Variants in IL1RL2 observed in about 807,000 individuals in gnomAD.
IL1RL2 encodes interleukin-1 receptor-like 2.
IL1RL2 carries 68 observed loss-of-function variants against 66.8 expected under a neutral mutation model. The ratio of observed to expected loss-of-function variants is 1.02; its 90% CI spans 0.84 to 1.25. The LOEUF is 1.25. IL1RL2 is among the 50% of genes most tolerant of loss of function. IL1RL2 has a pLI of 0.00. For synonymous variants in IL1RL2, 305 were observed against 264.6 expected, an observed-to-expected ratio of 1.15 and a Z score of -1.48; for missense variants, 729 against 709.3, an observed-to-expected ratio of 1.03 and a Z score of -0.32.
intron 1 of IL1RL2, among the ~76,000 whole-genome samples, 180 bp from the exon 2 acceptor site, chr2:102,187,676 G>A (rs1006254887): frequency 5.9e-5 from 9 of 152,176 alleles, no homozygotes; most frequent in Admixed American, 5.2e-4. Context: ...CCCAGACGAA[G>A]GAGACAGGGG....
chr2:102,201,818 C>T, intron 5 of IL1RL2, 103 bp downstream of exon 5: 1 of 1,102,132 alleles, frequency 9.1e-7, no homozygotes, highest in South Asian at 1.5e-5. Context: ...GATTCTAGGT[C>T]TTGGTTTCCC....
intron 2 of IL1RL2, 67 bp from the exon 3 acceptor site, chr2:102,189,009 C>T: frequency 8.3e-7 from 1 of 1,204,820 alleles, no homozygotes; most frequent in Non-Finnish European, 1.2e-6. Flanking sequence ...TTTAAAAAAA[C>T]TAACAGTAAA....
intron 4 of IL1RL2, among the ~76,000 whole-genome samples, chr2:102,200,033 TG>T (rs1464627525): frequency 6.7e-6 from 1 of 149,514 alleles, no homozygotes. Flanking sequence ...GGCACGTACC[TG>T]TAGTCCCAGC....
chr2:102,231,370 C>A (rs546178971), intron 9 of IL1RL2, among the ~76,000 whole-genome samples: 8 of 152,198 alleles, frequency 5.3e-5, no homozygotes, highest in South Asian at 4.2e-4. Flanking sequence ...TGGTGGCGGG[C>A]GCCTATAATC....
downstream of IL1RL2, among the ~76,000 whole-genome samples, chr2:102,241,614 G>C (rs1301441228): frequency 6.6e-6 from 1 of 152,248 alleles, no homozygotes; most frequent in Non-Finnish European, 1.5e-5. Context: ...GATGCCGCCA[G>C]GTAGGGGGGC....
At chr2:102,220,040 A>G in intron 8 of IL1RL2, 23 bp downstream of exon 8, 1 of 1,599,582 alleles carries the variant, frequency 6.3e-7, no homozygotes, top group South Asian at 1.1e-5. Flanking sequence ...TGGGTTACAC[A>G]CTGTTCAGAG....
At chr2:102,190,701 A>G (rs948689189) in intron 3 of IL1RL2, among the ~76,000 whole-genome samples, 2 of 152,194 alleles carry the variant, frequency 1.3e-5, no homozygotes, top group Admixed American at 6.5e-5. Flanking sequence ...CTGCTGTCCT[A>G]TTTTAGCCTA....
intron 2 of IL1RL2, 71 bp downstream of exon 2, chr2:102,187,996 CCCCGGGGA>C: frequency 6.8e-7 from 1 of 1,463,984 alleles, no homozygotes; most frequent in Non-Finnish European, 9.6e-7. Flanking sequence ...CATTGGGAGC[CCCCGGGGA>C]TCGCGTCAGC....
At chr2:102,200,986 A>G (rs3755290) in intron 4 of IL1RL2, among the ~76,000 whole-genome samples, 1 of 151,944 alleles carries the variant, frequency 6.6e-6, no homozygotes, top group Non-Finnish European at 1.5e-5. Flanking sequence ...ACTTCTATAA[A>G]GTCCAATGCT....
rs1686832130 is a variant in IL1RL2, at chr2:102,187,898, A to G, written c.31A>G (p.Ile11Val). The change falls in exon 2 of 12, where the codon ATC (isoleucine) becomes GTC (valine). Residue 11 changes from isoleucine (I) to valine (V), a missense_variant. Ile to Val is a conservative substitution (Grantham distance 29). Coordinates refer to ENST00000264257, the MANE Select transcript of IL1RL2 (RefSeq NM_003854.4). Reference sequence around the variant, plus strand: ...GTCCTTGCTGCTCTGCGGGTTGTCCATCGCCCTTCCACTGTCTGTCACAGC... The same window carrying G: ...GTCCTTGCTGCTCTGCGGGTTGTCCGTCGCCCTTCCACTGTCTGTCACAGC... MWSLLLCGLS[I>V]ALPLSVTADG... 6.2e-7 allele frequency: 1 copy of G among 1,612,890 alleles called. No individual in the cohort carries two copies. Among genetic ancestry groups the G allele is most frequent in the Non-Finnish European group, 8.5e-7 (1 of 1,179,660 alleles).
At chr2:102,190,450 G>T (rs995637575) in intron 3 of IL1RL2, among the ~76,000 whole-genome samples, 1 of 152,186 alleles carries the variant, frequency 6.6e-6, no homozygotes. Context: ...CTGAGATCAG[G>T]TGTGAAGTAG....
intron 4 of IL1RL2, among the ~76,000 whole-genome samples, chr2:102,199,254 C>A (rs1366475707): frequency 1.3e-5 from 2 of 152,182 alleles, no homozygotes; most frequent in Non-Finnish European, 2.9e-5. Context: ...AACTACACAG[C>A]AACTAAAGGA....
At chr2:102,235,623 C>T (rs941456628) in intron 11 of IL1RL2, 3 of 985,232 alleles carry the variant, frequency 3.0e-6, no homozygotes, top group African/African-American at 3.5e-5. Context: ...GAAGTTTGCC[C>T]ATGATGTGGC....
chr2:102,229,667 T>C (rs1281339236), intron 9 of IL1RL2, among the ~76,000 whole-genome samples: 1 of 152,236 alleles, frequency 6.6e-6, no homozygotes, highest in Non-Finnish European at 1.5e-5. Context: ...CAGTAAATTA[T>C]GAATTAGTCA....
chr2:102,239,543 G>A lies in IL1RL2; in HGVS notation c.*302G>A, dbSNP rs540849604. ...CCCAAGTCATGGTGGGTGAGAGCTC[G>A]GAGCATCCCCATGTCATGGTGGGTG... On this transcript the variant is annotated 3_prime_UTR_variant, in exon 12 of 12. Coordinates refer to ENST00000264257, the MANE Select transcript of IL1RL2 (RefSeq NM_003854.4). 19 of 353,460 alleles carry A rather than the reference G, an allele frequency of 5.4e-5. No individual in the cohort carries two copies. Among genetic ancestry groups the A allele is most frequent in the East Asian group, 3.2e-4 (6 of 18,804 alleles). The allele number at this position is 353,460 out of a possible 1,614,324, so 21.9% of individuals were successfully genotyped here. A position where few individuals can be genotyped will look rare whatever the true frequency, so the allele number is the denominator to read the frequency against.
chr2:102,242,480 T>C (rs201854304), downstream of IL1RL2, among the ~76,000 whole-genome samples: 4 of 152,312 alleles, frequency 2.6e-5, no homozygotes, highest in East Asian at 1.9e-4. Flanking sequence ...AATATTTCTT[T>C]AGTTGGAGTC....
chr2:102,237,452 C>T lies in IL1RL2; in HGVS notation c.1679-1740C>T, dbSNP rs369912676. ...AGCCAGCCCGCAGCCACCCTGCCCACTCCAGCACTGCAGGCAGCCTTCAGA... is the reference window on the plus strand; with the variant it reads ...AGCCAGCCCGCAGCCACCCTGCCCATTCCAGCACTGCAGGCAGCCTTCAGA... On this transcript the variant is annotated intron_variant, in intron 11 of 11. Transcript: ENST00000264257. Among the ~76,000 whole-genome samples, 13 of 152,354 alleles carry T rather than the reference C, an allele frequency of 8.5e-5. No individual in the cohort carries two copies. The South Asian group carries it at 2.3e-3, about 27-fold the overall frequency.
intron 10 of IL1RL2, among the ~76,000 whole-genome samples, chr2:102,234,225 C>T (rs544563522): frequency 1.8e-4 from 27 of 152,228 alleles, no homozygotes; most frequent in Non-Finnish European, 3.8e-4. Context: ...ATTTTCCTAT[C>T]CTTTTAAAAT....
Position 102,233,060 on chromosome 2 carries a change from G to C in IL1RL2, c.1233G>C (p.Glu411Asp). 6.2e-7 allele frequency: 1 copy of C among 1,614,162 alleles called. No individual in the cohort carries two copies. Among genetic ancestry groups the C allele is most frequent in the Non-Finnish European group, 8.5e-7 (1 of 1,180,020 alleles). ...CCCTGGTGTTGAATATCCTGCCCGA[G>C]GTGTTGGAGAGACAATGTGGATATA... ...VDALVLNILP[E>D]VLERQCGYKL... The change falls in exon 10 of 12, where the codon GAG (glutamate) becomes GAC (aspartate). Residue 411 changes from glutamate (E) to aspartate (D), a missense_variant. Transcript: ENST00000264257.
Sources: gnomAD v4.1 joint callset for allele counts (sites outside exome capture counted in the v4.1 genomes callset) on GRCh38, gnomAD v4.1.1 for gene constraint, MANE v1.5 for transcripts, NCBI Gene and HGNC (gene_info 2026-07-23, HGNC 2026-07-21) for gene names.